DNAH6: variants seen among roughly 807,000 people sequenced by gnomAD.
The protein encoded by DNAH6 is axonemal beta dynein heavy chain 6.
A neutral mutation model predicts 491.4 loss-of-function variants in DNAH6; 340 were observed. That is an observed-to-expected ratio of 0.69 (90% CI 0.63 to 0.76). The LOEUF (loss-of-function observed/expected upper bound fraction) is 0.76. Ranked by LOEUF, DNAH6 falls within the 30% of genes least tolerant of loss-of-function variation. The pLI, the probability that DNAH6 is intolerant of heterozygous loss-of-function variation, is 0.00. For synonymous variants in DNAH6, 1,603 were observed against 1,686.1 expected (o/e 0.95, Z 1.21); for missense variants, 4,443 against 4,972.2 (o/e 0.89, Z 3.20).
the DNAH6 span, among the ~76,000 whole-genome samples, chr2:84,483,878 C>G: frequency 6.6e-6 from 1 of 152,024 alleles, no homozygotes; most frequent in African/African-American, 2.4e-5. Flanking sequence ...TGGGGGAGGG[C>G]TTTATTATTT....
At chr2:84,792,970 A>G (rs1278700745) in intron 68 of DNAH6, among the ~76,000 whole-genome samples, 3 of 152,234 alleles carry the variant, frequency 2.0e-5, no homozygotes, top group Non-Finnish European at 4.4e-5. Flanking sequence ...CAATACATAC[A>G]TCCAGGAGTG....
At chr2:84,645,589 A>G (rs563949451) in intron 33 of DNAH6, among the ~76,000 whole-genome samples, 1 of 152,208 alleles carries the variant, frequency 6.6e-6, no homozygotes, top group Non-Finnish European at 1.5e-5. Flanking sequence ...CACTTTGCCC[A>G]CTTTTTAATG....
Position 84,621,533 on chromosome 2 carries a change from T to C in DNAH6, c.4053T>C (p.Phe1351=), listed in dbSNP as rs765362512. 6.6e-7 allele frequency: 1 copy of C among 1,519,970 alleles called. No homozygotes were observed. The allele number at this position is 1,519,970 out of a possible 1,614,324, so 94.2% of individuals were successfully genotyped here. Residue 1351 remains phenylalanine (F), a synonymous_variant, in exon 26 of 77, where the codon TTT becomes TTC. Coordinates refer to ENST00000389394, the MANE Select transcript of DNAH6 (RefSeq NM_001370.2). The part of the protein sequence containing the change: ...HSNHIQALKN[F]EKVNFERLNA... The stretch of plus-strand genomic sequence containing the variant: ...ATCATATACAGGCCCTGAAGAATTT[T>C]GAAAAAGTAAATTTTGAGGTGAGAT...
At chr2:84,602,482 CTTTTTTTTTTTTTT>C (rs3029846) in intron 18 of DNAH6, among the ~76,000 whole-genome samples, 1 of 32,000 alleles carries the variant, frequency 3.1e-5, no homozygotes, top group Non-Finnish European at 5.2e-5. Context: ...TGTTGTGTCC[CTTTTTTTTTTTTTT>C]TTTTTTTTTT....
At chr2:84,557,130 C>T (rs934760733) in intron 10 of DNAH6, among the ~76,000 whole-genome samples, 2 of 152,162 alleles carry the variant, frequency 1.3e-5, no homozygotes, top group Admixed American at 1.3e-4. Flanking sequence ...TTCCCATAGA[C>T]TTCCTTGGCT....
At chr2:84,603,927 T>C (rs897726024) in intron 18 of DNAH6, among the ~76,000 whole-genome samples, 1 of 152,226 alleles carries the variant, frequency 6.6e-6, no homozygotes, top group African/African-American at 2.4e-5. Flanking sequence ...CAGTCTTCAC[T>C]GTCAATTTCC....
chr2:84,602,482 C>CTTTTTTTTTTTTTTTTTTTTTTTT (rs3029846), intron 18 of DNAH6, among the ~76,000 whole-genome samples: 1 of 32,000 alleles, frequency 3.1e-5, no homozygotes, highest in African/African-American at 1.4e-4. Flanking sequence ...TGTTGTGTCC[C>CTTTTTTTTTTTTTTTTTTTTTTTT]TTTTTTTTTT....
intron 17 of DNAH6, among the ~76,000 whole-genome samples, chr2:84,594,329 C>G (rs72941031): frequency 0.18 from 1,809 of 9,882 alleles, 32 homozygotes; most frequent in African/African-American, 0.37. Context: ...ATGGACAATG[C>G]TGTATGACGT....
rs112364373 is a variant in DNAH6 at position 84,649,868 on chromosome 2, A to G, written c.5079-3451A>G. ...GGGTTGATAGGTGCAGCAAACCACC[A>G]TGGCACACACTTACCTATGTAACAA... On this transcript the variant is annotated intron_variant, in intron 33 of 76. Transcript: ENST00000389394. Among the ~76,000 whole-genome samples, 714 of 152,314 alleles carry G rather than the reference A, an allele frequency of 4.7e-3. 5 individuals are homozygous for G. The highest frequency in any genetic ancestry group is 0.016 in the African/African-American group (652 of 41,580).
At chr2:84,796,468 A>G in intron 69 of DNAH6, 43 bp downstream of exon 69, 1 of 1,447,142 alleles carries the variant, frequency 6.9e-7, no homozygotes, top group South Asian at 1.5e-5. Flanking sequence ...TTTCCCAAGA[A>G]GATGTTGACA....
At chr2:84,707,373 C>G in intron 53 of DNAH6, 147 bp from the exon 54 acceptor site, 4 of 844,106 alleles carry the variant, frequency 4.7e-6, no homozygotes, top group South Asian at 4.6e-5. Flanking sequence ...GGAATTAATG[C>G]TGAATTGGTG....
At chr2:84,663,104 A>G (rs1285870541) in intron 37 of DNAH6, among the ~76,000 whole-genome samples, 1 of 152,208 alleles carries the variant, frequency 6.6e-6, no homozygotes, top group Non-Finnish European at 1.5e-5. Flanking sequence ...ATCATCAAAG[A>G]CCAAAGGTAG....
In DNAH6 at chr2:84,634,195, A is replaced by G. The variant is rs933780255; in HGVS notation, c.4516-309A>G. 3.3e-5 allele frequency among the ~76,000 whole-genome samples: 5 copies of G among 152,298 alleles called. No individual in the cohort carries two copies. In the East Asian group the frequency reaches 9.6e-4, roughly 29 times the overall value. On this transcript the variant is annotated intron_variant, in intron 29 of 76. Transcript: ENST00000389394. ...TAAAGTTCTTAAGTTTGTATGTTCCATGTGTTAAACTATTTGAGAATCTGT... is the reference window on the plus strand; with the variant it reads ...TAAAGTTCTTAAGTTTGTATGTTCCGTGTGTTAAACTATTTGAGAATCTGT...
At chr2:84,778,796 A>G (rs1402471618) in intron 64 of DNAH6, among the ~76,000 whole-genome samples, 1 of 152,152 alleles carries the variant, frequency 6.6e-6, no homozygotes, top group Non-Finnish European at 1.5e-5. Context: ...GACACACTGT[A>G]AACTTTTAAC....
chr2:84,712,687 T>C (rs1697159383), intron 56 of DNAH6, among the ~76,000 whole-genome samples: 1 of 152,238 alleles, frequency 6.6e-6, no homozygotes, highest in African/African-American at 2.4e-5. Flanking sequence ...GAAAAATGGC[T>C]ACATGGGGCC....
At chr2:84,485,762 A>C in the DNAH6 span, among the ~76,000 whole-genome samples, 1 of 151,938 alleles carries the variant, frequency 6.6e-6, no homozygotes, top group Non-Finnish European at 1.5e-5. Context: ...TCTTAGTGCA[A>C]CATATGTCTG....
chr2:84,502,679 G>A, the DNAH6 span, among the ~76,000 whole-genome samples: 1 of 151,938 alleles, frequency 6.6e-6, no homozygotes, highest in South Asian at 2.1e-4. Flanking sequence ...TGCTTTATAT[G>A]CATTGGGTGC....
At chr2:84,684,192 C>T (rs1407513829) in intron 42 of DNAH6, among the ~76,000 whole-genome samples, 2 of 152,216 alleles carry the variant, frequency 1.3e-5, no homozygotes, top group East Asian at 1.9e-4. Flanking sequence ...TCCTGTGATT[C>T]ATGAACTCAA....
At position 84,816,196 on chromosome 2, in the gene DNAH6, T is replaced by C. The variant is rs1680470871; in HGVS notation, c.12373+113T>C. ...TCTCCCTTGGGCCAATAAACTAGAC[T>C]TAAAATGAAGCCACCTATAACATAC... On this transcript the variant is annotated intron_variant, in intron 76 of 76. Transcript: ENST00000389394. The C allele has an allele frequency of 5.0e-6, 4 of 800,608 alleles. No individual in the cohort carries two copies. The South Asian group carries it at 7.7e-5, about 15-fold the overall frequency. The allele number at this position is 800,608 out of a possible 1,614,324, so 49.6% of individuals were successfully genotyped here.
Sources: gnomAD v4.1 joint callset for allele counts (sites outside exome capture counted in the v4.1 genomes callset) on GRCh38, gnomAD v4.1.1 for gene constraint, MANE v1.5 for transcripts, NCBI Gene and HGNC (gene_info 2026-07-23, HGNC 2026-07-21) for gene names.